C8A: variants seen among roughly 807,000 people sequenced by gnomAD.
C8A encodes the protein complement component C8 alpha chain.
C8A carries 67 observed loss-of-function variants against 65.3 expected under a neutral mutation model. The ratio of observed to expected loss-of-function variants is 1.03; its 90% CI spans 0.84 to 1.26. The LOEUF is 1.26. Among genes scored for constraint, C8A ranks in the 50% most tolerant of loss-of-function variants. The pLI is 0.00. For synonymous variants in C8A, 290 were observed against 259.4 expected (o/e 1.12, Z -1.13); for missense variants, 781 against 723.9 (o/e 1.08, Z -0.90).
At chr1:56,863,831 TC>T (rs143411075) in intron 1 of C8A, among the ~76,000 whole-genome samples, 2,759 of 151,276 alleles carry the variant, frequency 0.018, 68 homozygotes, top group East Asian at 0.073. Context: ...TTCCCTTCCC[TC>T]CCTCTCTCAC....
rs75976664 is a variant in C8A at position 56,902,134 on chromosome 1, G to A, written c.1097-4533G>A. 5.1e-4 allele frequency among the ~76,000 whole-genome samples: 78 copies of A among 152,232 alleles called. No individual in the cohort carries two copies. The East Asian group carries it at 0.014, about 27-fold the overall frequency. On this transcript the variant is annotated intron_variant, in intron 7 of 10. Coordinates refer to ENST00000361249, the MANE Select transcript of C8A (RefSeq NM_000562.3). ...CTGTACCCTCACAGGCAAACAGCCAGCCTCAGCTTGGTCTCCTGCAATGGT... is the reference window on the plus strand; with the variant it reads ...CTGTACCCTCACAGGCAAACAGCCAACCTCAGCTTGGTCTCCTGCAATGGT...
chr1:56,903,419 C>A (rs1402506902), intron 7 of C8A, among the ~76,000 whole-genome samples: 1 of 152,134 alleles, frequency 6.6e-6, no homozygotes, highest in African/African-American at 2.4e-5. Context: ...TGAGGCTTCC[C>A]CAGCCATGCT....
At chr1:56,865,218 G>A (rs933635525) in intron 1 of C8A, among the ~76,000 whole-genome samples, 5 of 152,174 alleles carry the variant, frequency 3.3e-5, no homozygotes, top group Admixed American at 6.5e-5. Flanking sequence ...TGTAAGTTAA[G>A]GTAGCCACTT....
At chr1:56,856,433 T>C (rs1643975953) in intron 1 of C8A, among the ~76,000 whole-genome samples, 2 of 152,166 alleles carry the variant, frequency 1.3e-5, no homozygotes, top group South Asian at 4.1e-4. Context: ...CCAGTGCTGC[T>C]GTGTGATTGT....
At chr1:56,876,035 G>C in intron 3 of C8A, 27 bp from the exon 4 acceptor site, 1 of 1,611,130 alleles carries the variant, frequency 6.2e-7, no homozygotes, top group Non-Finnish European at 8.5e-7. Flanking sequence ...GGGAACCCGA[G>C]GAGCAGCCAC....
chr1:56,862,933 C>T (rs1259543933), intron 1 of C8A, among the ~76,000 whole-genome samples: 1 of 152,150 alleles, frequency 6.6e-6, no homozygotes, highest in Non-Finnish European at 1.5e-5. Flanking sequence ...GCAGTCATCC[C>T]ACTCTGGAGG....
At chr1:56,874,291 G>T (rs999158321) in intron 2 of C8A, among the ~76,000 whole-genome samples, 3 of 152,144 alleles carry the variant, frequency 2.0e-5, no homozygotes, top group Admixed American at 1.3e-4. Context: ...ACCAGGCCTG[G>T]TTCATACCCA....
chr1:56,905,055 A>AT (rs368815359), intron 7 of C8A, among the ~76,000 whole-genome samples: 1 of 152,178 alleles, frequency 6.6e-6, no homozygotes, highest in Non-Finnish European at 1.5e-5. Context: ...CTGTTGAAGC[A>AT]TTTTTTAATC....
intron 1 of C8A, among the ~76,000 whole-genome samples, chr1:56,865,552 TA>T (rs965293816): frequency 1.3e-5 from 2 of 152,184 alleles, no homozygotes; most frequent in Non-Finnish European, 2.9e-5. Flanking sequence ...GGTTTCAACA[TA>T]TAAATATGGG....
chr1:56,892,819 A>T (rs747652139), intron 7 of C8A, among the ~76,000 whole-genome samples: 2 of 152,180 alleles, frequency 1.3e-5, no homozygotes, highest in Non-Finnish European at 2.9e-5. Flanking sequence ...AAAATGCAAC[A>T]TGAAGTAGAA....
intron 5 of C8A, among the ~76,000 whole-genome samples, chr1:56,882,622 C>T (rs1012950990): frequency 4.6e-5 from 7 of 151,996 alleles, no homozygotes; most frequent in African/African-American, 1.7e-4. Flanking sequence ...GCTTATAGGG[C>T]CTGTTTTTAA....
rs536440657 is a variant in C8A, at chr1:56,874,838, C to A, written c.172-111C>A. On this transcript the variant is annotated intron_variant, in intron 2 of 10. Coordinates refer to ENST00000361249, the MANE Select transcript of C8A (RefSeq NM_000562.3). ...TCAAAAGACAGCTTCACAGGCAGGT[C>A]TCAATCATTAGATAATTATTTCTTA... The A allele has an allele frequency of 8.2e-5, 99 of 1,200,904 alleles. 1 individual carries two copies. In the East Asian group the frequency reaches 2.0e-3, roughly 24 times the overall value. 74.4% of individuals were successfully genotyped at this position (1,200,904 alleles called of 1,614,324 possible). A position where few individuals can be genotyped will look rare whatever the true frequency, so the allele number is the denominator to read the frequency against.
At chr1:56,912,306 T>G (rs1273930391) in intron 9 of C8A, 97 bp from the exon 10 acceptor site, 2 of 1,070,858 alleles carry the variant, frequency 1.9e-6, no homozygotes, top group Non-Finnish European at 1.4e-6. Flanking sequence ...GTGCCTGGCA[T>G]GTATCAGGCC....
At chr1:56,903,038 G>T (rs904196194) in intron 7 of C8A, among the ~76,000 whole-genome samples, 7 of 151,856 alleles carry the variant, frequency 4.6e-5, no homozygotes, top group African/African-American at 1.5e-4. Flanking sequence ...CTTTTCTTTT[G>T]TTCTCCCGCT....
rs139141074 is a variant in C8A, at chr1:56,876,064, C to T, written c.319C>T (p.Arg107Cys). The T allele has an allele frequency of 3.1e-4, 505 of 1,613,396 alleles. No individual in the cohort carries two copies. The highest frequency in any genetic ancestry group is 1.7e-3 in the Middle Eastern group (10 of 5,992). The change falls in exon 4 of 11, where the codon CGC (arginine) becomes TGC (cysteine). Residue 107 changes from arginine (R) to cysteine (C), a missense_variant and splice_region_variant. Transcript: ENST00000361249. ...GQDFQCKETGRCLKRHLVCNG... is the reference protein window; with the variant it reads ...GQDFQCKETGCCLKRHLVCNG... ...CAGCCACAGTCTCTTCTCTCCAGGT[C>T]GCTGCCTGAAACGCCACCTTGTGTG... is the stretch of plus-strand genomic sequence containing the variant.
intron 2 of C8A, among the ~76,000 whole-genome samples, chr1:56,867,920 T>C (rs1049149480): frequency 2.8e-4 from 42 of 152,168 alleles, no homozygotes; most frequent in Admixed American, 2.8e-3. Flanking sequence ...AAAAGATGTA[T>C]GTTATGGCTC....
At chr1:56,889,179 T>C (rs1258372606) in intron 7 of C8A, among the ~76,000 whole-genome samples, 1 of 152,308 alleles carries the variant, frequency 6.6e-6, no homozygotes, top group East Asian at 1.9e-4. Flanking sequence ...CAATTTGCTA[T>C]TTGTGAAGAG....
intron 7 of C8A, among the ~76,000 whole-genome samples, chr1:56,898,349 G>A (rs923446208): frequency 4.6e-5 from 7 of 152,192 alleles, no homozygotes; most frequent in African/African-American, 1.2e-4. Context: ...GAGCCTCTGC[G>A]TCTGGAAAAG....
At chr1:56,911,483 G>A (rs1398352865) in intron 9 of C8A, among the ~76,000 whole-genome samples, 1 of 152,186 alleles carries the variant, frequency 6.6e-6, no homozygotes, top group Non-Finnish European at 1.5e-5. Context: ...AATCCTCCTT[G>A]TGCTTCATCT....
Sources: gnomAD v4.1 joint callset for allele counts (sites outside exome capture counted in the v4.1 genomes callset) on GRCh38, gnomAD v4.1.1 for gene constraint, MANE v1.5 for transcripts, NCBI Gene and HGNC (gene_info 2026-07-23, HGNC 2026-07-21) for gene names.